Variants in FRMD5 observed in about 807,000 individuals in gnomAD.
FRMD5 encodes the protein FERM domain containing 5.
In FRMD5, 20 loss-of-function variants were observed where a neutral mutation model predicts 69.0. The observed-to-expected ratio is 0.29, with a 90% CI of 0.20 to 0.42. The LOEUF is 0.42. Ranked by LOEUF, FRMD5 falls within the 10% of genes least tolerant of loss-of-function variation. The probability of loss-of-function intolerance (pLI) is 1.00; values close to 1 mark genes in which losing one functional copy is unlikely to be tolerated. For synonymous variants in FRMD5, 271 were observed against 260.1 expected (o/e 1.04, Z -0.40); for missense variants, 595 against 708.6 (o/e 0.84, Z 1.82).
chr15:44,011,392 G>A (rs983911538), intron 1 of FRMD5, among the ~76,000 whole-genome samples: 1 of 152,140 alleles, frequency 6.6e-6, no homozygotes, highest in Non-Finnish European at 1.5e-5. Context: ...CTGTTGTGGG[G>A]ATCACTAAGA....
chr15:43,937,030 G>A (rs760466874), intron 1 of FRMD5, among the ~76,000 whole-genome samples: 1 of 152,158 alleles, frequency 6.6e-6, no homozygotes, highest in Admixed American at 6.5e-5. Flanking sequence ...TTAGGAAATT[G>A]ATGCTAAAAA....
intron 1 of FRMD5, among the ~76,000 whole-genome samples, chr15:43,958,191 A>G (rs1233290140): frequency 1.3e-5 from 2 of 152,202 alleles, no homozygotes; most frequent in Non-Finnish European, 2.9e-5. Flanking sequence ...TAGGACCCAG[A>G]ATATAAGATA....
At chr15:44,054,837 C>T (rs1439332935) in intron 1 of FRMD5, among the ~76,000 whole-genome samples, 3 of 151,640 alleles carry the variant, frequency 2.0e-5, no homozygotes, top group East Asian at 1.9e-4. Context: ...TTTGGGAGGC[C>T]GAGGCGGGCA....
chr15:43,950,923 C>T (rs760441535), intron 1 of FRMD5, among the ~76,000 whole-genome samples: 5 of 152,128 alleles, frequency 3.3e-5, no homozygotes, highest in Non-Finnish European at 7.3e-5. Flanking sequence ...AATATAATGC[C>T]CCTTATATCA....
chr15:44,006,043 G>C (rs1055799784), intron 1 of FRMD5, among the ~76,000 whole-genome samples: 4 of 152,294 alleles, frequency 2.6e-5, no homozygotes, highest in African/African-American at 7.2e-5. Flanking sequence ...ATGCCATCTA[G>C]GACTTTCATA....
intron 1 of FRMD5, among the ~76,000 whole-genome samples, chr15:43,985,441 A>T (rs1054383113): frequency 9.2e-5 from 14 of 152,250 alleles, no homozygotes; most frequent in African/African-American, 3.4e-4. Flanking sequence ...AATCTCTAGT[A>T]TATTTGTCAG....
At chr15:44,125,915 C>G (rs1339438112) in intron 1 of FRMD5, among the ~76,000 whole-genome samples, 1 of 152,138 alleles carries the variant, frequency 6.6e-6, no homozygotes, top group Admixed American at 6.5e-5. Context: ...GACATCTTAG[C>G]CTTTTCCGAG....
At chr15:43,969,472 C>G (rs981712023) in intron 1 of FRMD5, among the ~76,000 whole-genome samples, 1 of 152,190 alleles carries the variant, frequency 6.6e-6, no homozygotes, top group Admixed American at 6.5e-5. Context: ...ATTTACTCAA[C>G]ACCTACCATG....
At chr15:44,135,529 T>C (rs984382872) in intron 1 of FRMD5, among the ~76,000 whole-genome samples, 2 of 152,168 alleles carry the variant, frequency 1.3e-5, no homozygotes, top group Admixed American at 1.3e-4. Context: ...CATCAGTTTT[T>C]AAATAACTAC....
intron 1 of FRMD5, among the ~76,000 whole-genome samples, chr15:43,951,983 TG>T (rs56852074): frequency 0.047 from 6,556 of 138,730 alleles, 353 homozygotes; most frequent in African/African-American, 0.13. Context: ...GTGTGTGTTG[TG>T]TGTGTGTGTG....
intron 8 of FRMD5, among the ~76,000 whole-genome samples, chr15:43,890,716 G>A (rs979445073): frequency 2.0e-5 from 3 of 152,332 alleles, no homozygotes; most frequent in Non-Finnish European, 4.4e-5. Context: ...ATGTTGGGGT[G>A]TATTCTGGTA....
intron 1 of FRMD5, chr15:43,989,117 T>C (rs1250911375): frequency 2.0e-6 from 2 of 993,440 alleles, no homozygotes; most frequent in Non-Finnish European, 3.2e-6. Context: ...TCCTGCTTGC[T>C]GATCCACATC....
intron 1 of FRMD5, among the ~76,000 whole-genome samples, chr15:43,991,976 T>C (rs957814171): frequency 6.6e-6 from 1 of 152,162 alleles, no homozygotes; most frequent in Non-Finnish European, 1.5e-5. Context: ...CCCAGCAAGA[T>C]GAAGTATGAG....
At chr15:44,011,087 G>A (rs1230381023) in intron 1 of FRMD5, among the ~76,000 whole-genome samples, 2 of 151,996 alleles carry the variant, frequency 1.3e-5, no homozygotes, top group East Asian at 3.9e-4. Flanking sequence ...GGGTCTTGTT[G>A]CTTCTGCTTG....
At chr15:44,063,774 T>C (rs1893194429) in intron 1 of FRMD5, 3 of 329,644 alleles carry the variant, frequency 9.1e-6, no homozygotes, top group South Asian at 8.0e-5. Flanking sequence ...TCAAATGGGG[T>C]GATGCTGGCA....
intron 1 of FRMD5, among the ~76,000 whole-genome samples, chr15:44,114,961 C>T (rs1232667238): frequency 6.6e-6 from 1 of 152,122 alleles, no homozygotes. Flanking sequence ...GTTGTTAAAT[C>T]TTCTGATTTT....
chr15:44,171,920 G>A (rs1267999053), intron 1 of FRMD5, among the ~76,000 whole-genome samples: 1 of 151,824 alleles, frequency 6.6e-6, no homozygotes, highest in Non-Finnish European at 1.5e-5. Flanking sequence ...GCGCCACCAT[G>A]CCCCAGCTAA....
At position 43,985,140 on chromosome 15, in the gene FRMD5, G is replaced by C. The variant is rs141920810; in HGVS notation, c.103-60831C>G. Among the ~76,000 whole-genome samples the C allele has an allele frequency of 7.7e-3, 1,174 of 151,864 alleles. 16 individuals are homozygous for C. Among genetic ancestry groups the C allele is most frequent in the African/African-American group, 0.027 (1,119 of 41,428 alleles). On this transcript the variant is annotated intron_variant, in intron 1 of 13. Transcript: ENST00000417257. ...TTAAAAATACAAAAAAATTAGCCTG[G>C]TGTGGTGGCAGGTGCCTGTAGTCCC...
chr15:44,134,787 CTGAGAAGGTGGCATT>C (rs2077157915), intron 1 of FRMD5, among the ~76,000 whole-genome samples: 1 of 152,108 alleles, frequency 6.6e-6, no homozygotes, highest in Non-Finnish European at 1.5e-5. Context: ...GATAGCCTTT[CTGAGAAGGTGGCATT>C]TGAATGCAGA....
Sources: gnomAD v4.1 joint callset for allele counts (sites outside exome capture counted in the v4.1 genomes callset) on GRCh38, gnomAD v4.1.1 for gene constraint, MANE v1.5 for transcripts, NCBI Gene and HGNC (gene_info 2026-07-23, HGNC 2026-07-21) for gene names.